Variants in RNF185 observed in about 807,000 individuals in gnomAD.
RNF185 encodes E3 ubiquitin-protein ligase RNF185.
RNF185 carries 13 observed loss-of-function variants against 24.9 expected under a neutral mutation model. The observed-to-expected ratio is 0.52, with a 90% CI of 0.34 to 0.83. The LOEUF is 0.83. Ranked by LOEUF, RNF185 falls within the 40% of genes least tolerant of loss-of-function variation. The pLI, the probability that RNF185 is intolerant of heterozygous loss-of-function variation, is 0.01. For synonymous variants in RNF185, 79 were observed against 90.3 expected (o/e 0.88, Z 0.71); for missense variants, 184 against 244.7 (o/e 0.75, Z 1.65).
At chr22:31,173,343 G>A (rs893518376) in intron 1 of RNF185, among the ~76,000 whole-genome samples, 2 of 151,104 alleles carry the variant, frequency 1.3e-5, no homozygotes, top group Admixed American at 1.3e-4. Flanking sequence ...CACAACTCTA[G>A]TTGGCTATAT....
chr22:31,192,185 A>T (rs2048162340), intron 2 of RNF185, among the ~76,000 whole-genome samples: 1 of 152,188 alleles, frequency 6.6e-6, no homozygotes, highest in Admixed American at 6.5e-5. Flanking sequence ...GTTAAACTGG[A>T]TCTGGACTAC....
chr22:31,170,234 G>C (rs2047914572), intron 1 of RNF185, among the ~76,000 whole-genome samples: 1 of 152,108 alleles, frequency 6.6e-6, no homozygotes, highest in Middle Eastern at 3.2e-3. Flanking sequence ...AGTCGCCCAG[G>C]CTGGAGTGCA....
rs1327617074 is a variant in RNF185 at position 31,204,715 on chromosome 22, C to G, written c.*129C>G. On this transcript the variant is annotated 3_prime_UTR_variant, in exon 7 of 7. Transcript: ENST00000326132. ...TGGGATCAGTAACACATCAAGGAGTCTTGTTTCTTCATCAGAGCTTTGGAA... is the reference window on the plus strand; with the variant it reads ...TGGGATCAGTAACACATCAAGGAGTGTTGTTTCTTCATCAGAGCTTTGGAA... 1 of 620,006 alleles carries G rather than the reference C, an allele frequency of 1.6e-6. No individual in the cohort carries two copies. Among genetic ancestry groups the G allele is most frequent in the Non-Finnish European group, 2.9e-6 (1 of 343,084 alleles). The allele number at this position is 620,006 out of a possible 1,614,324, so 38.4% of individuals were successfully genotyped here.
intron 1 of RNF185, among the ~76,000 whole-genome samples, chr22:31,169,921 GA>G (rs1214673202): frequency 6.7e-6 from 1 of 149,966 alleles, no homozygotes; most frequent in African/African-American, 2.4e-5. Flanking sequence ...TGGTCGTTGG[GA>G]ACAAAGCTCC....
intron 6 of RNF185, among the ~76,000 whole-genome samples, chr22:31,203,618 C>T (rs1316295755): frequency 6.6e-6 from 1 of 152,206 alleles, no homozygotes; most frequent in Non-Finnish European, 1.5e-5. Context: ...GCAAGAGTTT[C>T]CTGTTAATCA....
intron 5 of RNF185, among the ~76,000 whole-genome samples, chr22:31,201,120 G>C (rs549655539): frequency 6.6e-6 from 1 of 152,334 alleles, no homozygotes; most frequent in Non-Finnish European, 1.5e-5. Flanking sequence ...CACAGGGGTG[G>C]CTGTCAATAT....
At chr22:31,193,932 G>A (rs189820260) in intron 3 of RNF185, among the ~76,000 whole-genome samples, 65 of 142,262 alleles carry the variant, frequency 4.6e-4, no homozygotes, top group African/African-American at 1.3e-3. Flanking sequence ...TCATTCTGTC[G>A]CCCAGGCTAG....
chr22:31,176,575 G>A (rs567035838), intron 1 of RNF185, among the ~76,000 whole-genome samples: 6 of 148,304 alleles, frequency 4.0e-5, no homozygotes, highest in South Asian at 2.1e-4. Flanking sequence ...TGTAAGCTCC[G>A]CCTCCCAGGT....
At chr22:31,167,610 C>CTTTTTT (rs150121453) in intron 1 of RNF185, among the ~76,000 whole-genome samples, 2 of 107,360 alleles carry the variant, frequency 1.9e-5, no homozygotes, top group African/African-American at 4.0e-5. Context: ...GGGTTTTTTC[C>CTTTTTT]TTTTTTTTTT....
At chr22:31,162,938 G>C (rs1179977837) in intron 1 of RNF185, among the ~76,000 whole-genome samples, 1 of 151,712 alleles carries the variant, frequency 6.6e-6, no homozygotes, top group African/African-American at 2.4e-5. Flanking sequence ...CTAATTTTTT[G>C]TATTTTTAGT....
intron 2 of RNF185, 132 bp downstream of exon 2, chr22:31,187,402 A>C: frequency 1.1e-6 from 1 of 946,312 alleles, no homozygotes; most frequent in Non-Finnish European, 1.6e-6. Context: ...AAGAGACCTG[A>C]GTTCCCATCC....
Position 31,206,710 on chromosome 22 carries a change from A to G in RNF185, c.*2124A>G, listed in dbSNP as rs540282487. On this transcript the variant is annotated 3_prime_UTR_variant, in exon 7 of 7. Transcript: ENST00000326132. ...CGTAGGTCCCCACTCACCCTCTGCC[A>G]GGAGCTAAGTAAGGCAGGAGAGCTG... 1 of 152,252 alleles carries G rather than the reference A, an allele frequency of 6.6e-6. No homozygotes were observed. The highest frequency in any genetic ancestry group is 1.5e-5 in the Non-Finnish European group (1 of 68,058). 9.4% of individuals were successfully genotyped at this position (152,252 alleles called of 1,614,324 possible).
chr22:31,191,016 C>A (rs1568969661), intron 2 of RNF185, among the ~76,000 whole-genome samples: 1 of 152,190 alleles, frequency 6.6e-6, no homozygotes, highest in Non-Finnish European at 1.5e-5. Context: ...TACTATGTAG[C>A]CTAGGTGTGT....
intron 1 of RNF185, among the ~76,000 whole-genome samples, chr22:31,180,053 C>G (rs2048018343): frequency 6.8e-6 from 1 of 147,354 alleles, no homozygotes; most frequent in Admixed American, 6.9e-5. Flanking sequence ...AGGACTTGAA[C>G]TCAGAACTTT....
At chr22:31,164,029 T>A (rs1923753812) in intron 1 of RNF185, among the ~76,000 whole-genome samples, 1 of 151,810 alleles carries the variant, frequency 6.6e-6, no homozygotes, top group Admixed American at 6.6e-5. Flanking sequence ...TTGCCCAGGC[T>A]GGAATGCGGT....
intron 5 of RNF185, among the ~76,000 whole-genome samples, chr22:31,200,523 G>A (rs1473440547): frequency 6.6e-6 from 1 of 152,218 alleles, no homozygotes; most frequent in East Asian, 1.9e-4. Context: ...TGATTTATAT[G>A]TCCTAGTGCT....
Position 31,195,475 on chromosome 22 carries a change from G to A in RNF185, c.202G>A (p.Glu68Lys). ...TTTTCTCTCCTGTTTGCAGTGGTTG[G>A]AGACCAGACCTAACAGACAGGTGTG... Reference protein sequence around the residue: ...FCWPCLHQWLETRPNRQVCPV... With the variant: ...FCWPCLHQWLKTRPNRQVCPV... The change falls in exon 4 of 7, where the codon GAG (glutamate) becomes AAG (lysine). Residue 68 changes from glutamate to lysine, a missense_variant. By Grantham distance (56) the Glu-to-Lys change is moderately conservative. Coordinates refer to ENST00000326132, the MANE Select transcript of RNF185 (RefSeq NM_152267.4). 1.2e-6 allele frequency: 2 copies of A among 1,603,956 alleles called. No individual in the cohort carries two copies. Among genetic ancestry groups the A allele is most frequent in the South Asian group, 2.3e-5 (2 of 88,856 alleles).
chr22:31,189,238 A>G (rs1189586677), intron 2 of RNF185, among the ~76,000 whole-genome samples: 1 of 140,930 alleles, frequency 7.1e-6, no homozygotes, highest in Non-Finnish European at 1.5e-5. Context: ...TTTTATGTAT[A>G]TATTAACTAT....
chr22:31,180,047 C>T (rs2048018241), intron 1 of RNF185, among the ~76,000 whole-genome samples: 3 of 138,758 alleles, frequency 2.2e-5, no homozygotes, highest in African/African-American at 8.1e-5. Flanking sequence ...GGAACCAGGA[C>T]TTGAACTCAG....
Sources: gnomAD v4.1 joint callset for allele counts (sites outside exome capture counted in the v4.1 genomes callset) on GRCh38, gnomAD v4.1.1 for gene constraint, MANE v1.5 for transcripts, NCBI Gene and HGNC (gene_info 2026-07-23, HGNC 2026-07-21) for gene names.